LAMA2: variants seen among roughly 807,000 people sequenced by gnomAD.
The protein encoded by LAMA2 is laminin subunit alpha 2, also known as laminin subunit alpha-2.
A neutral mutation model predicts 364.8 loss-of-function variants in LAMA2; 269 were observed. The observed-to-expected ratio is 0.74, with a 90% CI of 0.67 to 0.82. The LOEUF is 0.82. LAMA2 is among the 40% of genes least tolerant of loss of function. The pLI is 0.00. For missense variants in LAMA2, 3,807 were observed against 3,873.2 expected (o/e 0.98, Z 0.45); for synonymous variants, 1,379 against 1,370.6 (o/e 1.01, Z -0.14).
At chr6:129,424,272 TA>T (rs1052935300) in intron 40 of LAMA2, among the ~76,000 whole-genome samples, 2 of 151,686 alleles carry the variant, frequency 1.3e-5, no homozygotes, top group African/African-American at 4.8e-5. Flanking sequence ...ATAAAACATC[TA>T]AAAATATATA....
At chr6:129,113,866 A>C (rs1295552276) in intron 4 of LAMA2, among the ~76,000 whole-genome samples, 1 of 151,938 alleles carries the variant, frequency 6.6e-6, no homozygotes, top group Non-Finnish European at 1.5e-5. Flanking sequence ...TTCCATGGTA[A>C]GGCCCTACAC....
At chr6:128,937,024 C>T (rs922790431) in intron 1 of LAMA2, among the ~76,000 whole-genome samples, 8 of 152,140 alleles carry the variant, frequency 5.3e-5, no homozygotes, top group Non-Finnish European at 1.2e-4. Flanking sequence ...AGATTTAATC[C>T]TGCTACTCAA....
intron 38 of LAMA2, among the ~76,000 whole-genome samples, chr6:129,401,659 G>C (rs543049200): frequency 6.6e-6 from 1 of 152,244 alleles, no homozygotes. Flanking sequence ...TTAGTTAAAA[G>C]ACAAATGTAA....
In LAMA2 at chr6:129,297,637, C is replaced by T. The variant is rs373949307; in HGVS notation, c.2857-48C>T. The T allele has an allele frequency of 5.3e-5, 83 of 1,568,766 alleles. No homozygotes were observed. In the African/African-American group the frequency reaches 9.5e-4, roughly 18 times the overall value. On this transcript the variant is annotated intron_variant, in intron 20 of 64. Transcript: ENST00000421865. ...TGGTATTGTGCATCTTGCTTCACTT[C>T]GAGTTAACTGATTTAAATTTAATTT... is the stretch of plus-strand genomic sequence containing the variant.
intron 1 of LAMA2, among the ~76,000 whole-genome samples, chr6:128,906,408 T>C (rs868084248): frequency 0.098 from 12,026 of 122,838 alleles, 721 homozygotes; most frequent in African/African-American, 0.19. Context: ...TTTTTTCATG[T>C]GTTTTTTGGC....
chr6:129,306,104 C>T (rs2501459), intron 22 of LAMA2, among the ~76,000 whole-genome samples: 45,872 of 151,576 alleles, frequency 0.3, 7,247 homozygotes, highest in Non-Finnish European at 0.33. Flanking sequence ...TATAAGCTTA[C>T]GATTTTGATT....
At chr6:128,929,021 G>T in intron 1 of LAMA2, 1 of 1,404,758 alleles carries the variant, frequency 7.1e-7, no homozygotes, top group Non-Finnish European at 1.0e-6. Context: ...GCCCATATAT[G>T]CATTCAAGAA....
chr6:129,275,219 T>C (rs1454506694), intron 17 of LAMA2, among the ~76,000 whole-genome samples: 1 of 152,042 alleles, frequency 6.6e-6, no homozygotes, highest in Non-Finnish European at 1.5e-5. Context: ...CCATATTCTC[T>C]AGAAAATTGA....
chr6:128,887,425 T>C (rs1776205697), intron 1 of LAMA2, among the ~76,000 whole-genome samples: 1 of 152,074 alleles, frequency 6.6e-6, no homozygotes, highest in Admixed American at 6.5e-5. Context: ...TATTCAACAC[T>C]GAATATTATA....
intron 29 of LAMA2, among the ~76,000 whole-genome samples, chr6:129,330,591 GGTTT>G (rs1490872938): frequency 3.6e-5 from 3 of 83,788 alleles, no homozygotes; most frequent in African/African-American, 1.3e-4. Flanking sequence ...GTTGTTGTTT[GGTTT>G]TTGTTTTTTT....
At chr6:129,490,378 C>T (rs898980864) in intron 56 of LAMA2, among the ~76,000 whole-genome samples, 1 of 152,204 alleles carries the variant, frequency 6.6e-6, no homozygotes, top group Non-Finnish European at 1.5e-5. Context: ...CACACTCATT[C>T]TCCATCACCA....
At chr6:128,951,090 G>A (rs907560618) in intron 1 of LAMA2, among the ~76,000 whole-genome samples, 2 of 152,218 alleles carry the variant, frequency 1.3e-5, no homozygotes, top group African/African-American at 4.8e-5. Flanking sequence ...ACAATAATGT[G>A]ATTGTATTTG....
intron 12 of LAMA2, among the ~76,000 whole-genome samples, chr6:129,216,208 A>G (rs1333587951): frequency 6.6e-6 from 1 of 152,216 alleles, no homozygotes; most frequent in Non-Finnish European, 1.5e-5. Flanking sequence ...GTAGAGATGG[A>G]AACTTTATTG....
intron 56 of LAMA2, among the ~76,000 whole-genome samples, chr6:129,489,843 T>C (rs563756620): frequency 6.6e-6 from 1 of 151,980 alleles, no homozygotes; most frequent in African/African-American, 2.4e-5. Context: ...TTAAAAAAAA[T>C]CTTAAACCCA....
intron 1 of LAMA2, among the ~76,000 whole-genome samples, chr6:128,986,960 T>C (rs1783279623): frequency 6.6e-6 from 1 of 152,036 alleles, no homozygotes; most frequent in Admixed American, 6.6e-5. Context: ...CCATTTTATT[T>C]AGGGTTATCT....
chr6:129,168,056 G>A (rs2114997627), intron 9 of LAMA2, among the ~76,000 whole-genome samples: 1 of 147,642 alleles, frequency 6.8e-6, no homozygotes, highest in South Asian at 2.2e-4. Flanking sequence ...TGTAGATTCT[G>A]GATATTAGCC....
intron 1 of LAMA2, among the ~76,000 whole-genome samples, chr6:128,904,486 A>C (rs71568928): frequency 0.16 from 19,969 of 125,428 alleles, 1,910 homozygotes; most frequent in African/African-American, 0.31. Flanking sequence ...ATGGAGTCTC[A>C]CCCTGTTGCC....
chr6:129,391,636 T>C lies in LAMA2; in HGVS notation c.5217T>C (p.Ile1739=). 1 of 1,613,672 alleles carries C rather than the reference T, an allele frequency of 6.2e-7. No homozygotes were observed. Among genetic ancestry groups the C allele is most frequent in the Non-Finnish European group, 8.5e-7 (1 of 1,179,630 alleles). ...AAAATCTAGAGACACAAAAGGAAATTGCTGAAGATGAGTTGGTGTGAGTAG... is the reference window on the plus strand; with the variant it reads ...AAAATCTAGAGACACAAAAGGAAATCGCTGAAGATGAGTTGGTGTGAGTAG... ...RRKNLETQKE[I]AEDELVAAEA... The change falls in exon 36 of 65, where the codon ATT becomes ATC. Residue 1739 remains isoleucine, a synonymous_variant. Transcript: ENST00000421865.
intron 1 of LAMA2, among the ~76,000 whole-genome samples, chr6:129,007,663 A>T (rs893700521): frequency 2.6e-5 from 4 of 152,138 alleles, no homozygotes; most frequent in African/African-American, 9.7e-5. Flanking sequence ...ACTAATGGGG[A>T]TTTATTCTAA....
Sources: allele counts gnomAD v4.1 joint callset (sites outside exome capture counted in the v4.1 genomes callset), GRCh38; gene constraint gnomAD v4.1.1; transcripts MANE v1.5; gene names NCBI Gene and HGNC (gene_info 2026-07-23, HGNC 2026-07-21).